Variants in SAFB observed in about 807,000 individuals in gnomAD.
The protein encoded by SAFB is scaffold attachment factor B1.
A neutral mutation model predicts 101.6 loss-of-function variants in SAFB; 15 were observed. That is an observed-to-expected ratio of 0.15 (90% CI 0.10 to 0.23). The LOEUF is 0.23. Among genes scored for constraint, SAFB ranks in the 10% least tolerant of loss-of-function variants. SAFB has a pLI of 1.00. For synonymous variants in SAFB, 449 were observed against 407.5 expected (o/e 1.10, Z -1.23); for missense variants, 930 against 1,104.1 (o/e 0.84, Z 2.23).
chr19:5,631,654 A>G (rs895701374), intron 2 of SAFB, among the ~76,000 whole-genome samples: 1 of 152,150 alleles, frequency 6.6e-6, no homozygotes, highest in African/African-American at 2.4e-5. Context: ...CTTGGCCAAA[A>G]CAGAATTGTC....
In SAFB at chr19:5,623,323, C is replaced by T; in HGVS notation, c.118C>T (p.Arg40Trp). The T allele has an allele frequency of 6.2e-7, 1 of 1,614,026 alleles. No homozygotes were observed. The highest frequency in any genetic ancestry group is 8.5e-7 in the Non-Finnish European group (1 of 1,179,910). The change falls in exon 1 of 21, where the codon CGG becomes TGG. Residue 40 changes from arginine to tryptophan, a missense_variant. Coordinates refer to ENST00000588852, the MANE Select transcript of SAFB (RefSeq NM_001201338.2). ...RLSDLRVIDL[R>W]AELRKRNVDS... ...CAGCGACCTGCGAGTGATCGATCTG[C>T]GGGCGGAGCTGAGGAAACGGAATGT... is the stretch of plus-strand genomic sequence containing the variant.
intron 14 of SAFB, among the ~76,000 whole-genome samples, chr19:5,660,640 G>C (rs1351468617): frequency 1.3e-5 from 2 of 150,418 alleles, no homozygotes; most frequent in African/African-American, 4.9e-5. Flanking sequence ...CACTTTGGGA[G>C]GTGGAGGCGG....
chr19:5,653,039 C>T (rs960948579), intron 9 of SAFB, 76 bp from the exon 10 acceptor site: 5 of 1,481,352 alleles, frequency 3.4e-6, no homozygotes, highest in African/African-American at 1.4e-5. Context: ...GCAGACTTCC[C>T]TGTGGGGTGT....
intron 17 of SAFB, chr19:5,665,356 G>A (rs1396685613): frequency 5.9e-5 from 9 of 152,090 alleles, no homozygotes; most frequent in African/African-American, 1.7e-4. Flanking sequence ...CAGAACTGGC[G>A]TCACACCTTG....
At chr19:5,651,169 T>G (rs2053930320) in intron 9 of SAFB, 97 bp downstream of exon 9, 1 of 720,158 alleles carries the variant, frequency 1.4e-6, no homozygotes, top group Non-Finnish European at 2.3e-6. Context: ...CTTTGAGAGA[T>G]ACCAAGGAGC....
Position 5,654,430 on chromosome 19 carries a change from G to C in SAFB, c.1729G>C (p.Val577Leu), listed in dbSNP as rs373052829. ...DKSKGVPVIS[V>L]KTSGSKERAS... ...ATCCAAAGGGGTGCCTGTGATTAGT[G>C]TAAAAACGTCCGGGTCCAAAGAGAG... is the stretch of plus-strand genomic sequence containing the variant. The change falls in exon 13 of 21, where the codon GTA becomes CTA. Residue 577 changes from valine (V) to leucine (L), a missense_variant. Physicochemically the swap from Val to Leu is conservative, Grantham distance 32. Around this residue, in one of 7 missense-constraint regions of SAFB, gnomAD observed 159 missense variants for 234.1 expected, o/e 0.68. Coordinates refer to ENST00000588852, the MANE Select transcript of SAFB (RefSeq NM_001201338.2). The C allele has an allele frequency of 6.3e-7, 1 of 1,598,954 alleles. No homozygotes were observed. Among genetic ancestry groups the C allele is most frequent in the Non-Finnish European group, 8.6e-7 (1 of 1,169,512 alleles).
chr19:5,643,960 T>C (rs1278859313), intron 4 of SAFB, among the ~76,000 whole-genome samples: 4 of 151,946 alleles, frequency 2.6e-5, no homozygotes, highest in African/African-American at 9.7e-5. Flanking sequence ...TTGCAAGAGG[T>C]TTTCGGAAGA....
intron 2 of SAFB, among the ~76,000 whole-genome samples, chr19:5,637,149 C>A (rs1315984629): frequency 6.6e-6 from 1 of 150,538 alleles, no homozygotes; most frequent in African/African-American, 2.4e-5. Context: ...TCGAGACCAT[C>A]CTGGCTAACA....
At position 5,653,626 on chromosome 19, in the gene SAFB, G is replaced by A. The variant is rs748099741; in HGVS notation, c.1526+206G>A. 5.3e-5 allele frequency among the ~76,000 whole-genome samples: 8 copies of A among 152,034 alleles called. No homozygotes were observed. In the South Asian group the frequency reaches 6.2e-4, roughly 12 times the overall value. On this transcript the variant is annotated intron_variant, in intron 11 of 20. Coordinates refer to ENST00000588852, the MANE Select transcript of SAFB (RefSeq NM_001201338.2). ...GACTAAGGTGTGCACCACCACACCC[G>A]GCTAATTTTTGTATTTTCAGTAGAG...
At chr19:5,625,739 C>A (rs2053343507) in intron 1 of SAFB, among the ~76,000 whole-genome samples, 1 of 152,080 alleles carries the variant, frequency 6.6e-6, no homozygotes, top group Admixed American at 6.5e-5. Context: ...CTGGGCGTGC[C>A]AAGAAATTCT....
chr19:5,641,053 A>G (rs2053700936), intron 2 of SAFB, among the ~76,000 whole-genome samples: 1 of 151,178 alleles, frequency 6.6e-6, no homozygotes, highest in African/African-American at 2.4e-5. Flanking sequence ...TATTTTTAGT[A>G]GAGACGGGGT....
At chr19:5,648,152 A>C in intron 6 of SAFB, 109 bp downstream of exon 6, 1 of 932,372 alleles carries the variant, frequency 1.1e-6, no homozygotes, top group Non-Finnish European at 1.7e-6. Context: ...TATAGTATAC[A>C]TTGTTCTAAA....
chr19:5,661,375 T>C lies in SAFB; in HGVS notation c.1863-143T>C, dbSNP rs1298214488. On this transcript the variant is annotated intron_variant, in intron 14 of 20. Transcript: ENST00000588852. ...CTCCTGTGGGCCCGAGAAGCCTTCT[T>C]CCCGCTGGAGTGTACGGTTCTGCAG... is the stretch of plus-strand genomic sequence containing the variant. The C allele has an allele frequency of 3.5e-5, 51 of 1,443,540 alleles. No homozygotes were observed. The East Asian group carries it at 1.2e-3, about 34-fold the overall frequency. The allele number at this position is 1,443,540 out of a possible 1,614,324, so 89.4% of individuals were successfully genotyped here. A position where few individuals can be genotyped will look rare whatever the true frequency, so the allele number is the denominator to read the frequency against.
At chr19:5,624,223 C>CTT (rs551426304) in intron 1 of SAFB, among the ~76,000 whole-genome samples, 19 of 138,666 alleles carry the variant, frequency 1.4e-4, no homozygotes, top group African/African-American at 3.5e-4. Flanking sequence ...CTTTTCTATT[C>CTT]TTTTTTTTTT....
chr19:5,659,854 A>G lies in SAFB; in HGVS notation c.1863-1664A>G, dbSNP rs16993084. Among the ~76,000 whole-genome samples, 910 of 152,266 alleles carry G rather than the reference A, an allele frequency of 6.0e-3. 16 individuals carry two copies. Among genetic ancestry groups the G allele is most frequent in the African/African-American group, 0.021 (864 of 41,556 alleles). ...TGTTCCAGACCCTAGGCCCCTCTCCATATCTGGCGTAGAGGAACCTATGAA... is the reference window on the plus strand; with the variant it reads ...TGTTCCAGACCCTAGGCCCCTCTCCGTATCTGGCGTAGAGGAACCTATGAA... On this transcript the variant is annotated intron_variant, in intron 14 of 20. Transcript: ENST00000588852.
chr19:5,632,933 G>C (rs967260276), intron 2 of SAFB, among the ~76,000 whole-genome samples: 1 of 152,150 alleles, frequency 6.6e-6, no homozygotes, highest in African/African-American at 2.4e-5. Flanking sequence ...CTATCCAGAG[G>C]CACATGCTGT....
rs190529324 is a variant in SAFB, at chr19:5,663,732, G to A, written c.2154-290G>A. 2.9e-3 allele frequency among the ~76,000 whole-genome samples: 439 copies of A among 152,314 alleles called. 3 individuals are homozygous for A. Among genetic ancestry groups the A allele is most frequent in the Non-Finnish European group, 5.4e-3 (364 of 68,024 alleles). On this transcript the variant is annotated intron_variant, in intron 15 of 20. Coordinates refer to ENST00000588852, the MANE Select transcript of SAFB (RefSeq NM_001201338.2). ...GGTCTTCCTGAGCGGAGGTGGCTGT[G>A]TAGGGCTCCAGAAGCCATCTGCAGG...
intron 14 of SAFB, among the ~76,000 whole-genome samples, chr19:5,658,893 T>TC (rs2054130000): frequency 2.0e-5 from 3 of 149,148 alleles, no homozygotes; most frequent in African/African-American, 7.5e-5. Context: ...ACGCCTGTAA[T>TC]CCCAGCACTT....
At chr19:5,658,679 T>C (rs577018012) in intron 14 of SAFB, among the ~76,000 whole-genome samples, 1 of 150,786 alleles carries the variant, frequency 6.6e-6, no homozygotes, top group African/African-American at 2.4e-5. Flanking sequence ...CTGTCTCTAC[T>C]AAAAATACAA....
Sources: allele counts gnomAD v4.1 joint callset (sites outside exome capture counted in the v4.1 genomes callset), GRCh38; gene constraint gnomAD v4.1.1; regional missense constraint gnomAD v4.1.1; transcripts MANE v1.5; gene names NCBI Gene and HGNC (gene_info 2026-07-23, HGNC 2026-07-21).